The following CLASRP variants were observed in gnomAD, a reference collection of about 807,000 sequenced individuals.
The protein encoded by CLASRP is CLK4 associating serine/arginine rich protein.
In CLASRP, 52 loss-of-function variants were observed where a neutral mutation model predicts 99.9. That is an observed-to-expected ratio of 0.52 (90% CI 0.42 to 0.66). The LOEUF is 0.66. Ranked by LOEUF, CLASRP falls within the 30% of genes least tolerant of loss-of-function variation. The pLI, the probability that CLASRP is intolerant of heterozygous loss-of-function variation, is 0.00. For synonymous variants in CLASRP, 379 were observed against 373.0 expected (o/e 1.02, Z -0.18); for missense variants, 848 against 999.2 (o/e 0.85, Z 2.04).
chr19:45,063,123 T>TA (rs1966978718), intron 11 of CLASRP, among the ~76,000 whole-genome samples: 1 of 152,098 alleles, frequency 6.6e-6, no homozygotes, highest in Admixed American at 6.6e-5. Context: ...GAATATCAGA[T>TA]ACTTTCTTTT....
intron 15 of CLASRP, 57 bp from the exon 16 acceptor site, chr19:45,068,363 G>A: frequency 1.1e-6 from 1 of 926,982 alleles, no homozygotes; most frequent in Admixed American, 1.7e-5. Context: ...GCTGAGGTGG[G>A]TTGTGGGAGC....
rs1265639930 is a variant in CLASRP, at chr19:45,070,936, A to G, written c.*91A>G. 1.2e-6 allele frequency: 1 copy of G among 812,488 alleles called. No individual in the cohort carries two copies. The highest frequency in any genetic ancestry group is 2.0e-6 in the Non-Finnish European group (1 of 504,136). 50.3% of individuals were successfully genotyped at this position (812,488 alleles called of 1,614,324 possible). A position where few individuals can be genotyped will look rare whatever the true frequency, so the allele number is the denominator to read the frequency against. On this transcript the variant is annotated 3_prime_UTR_variant, in exon 21 of 21. Transcript: ENST00000221455. ...TTTTATCTCTAGTGAAATAAAGTCA[A>G]AAGTTATTTAATTCCCGTCACCTGT...
In CLASRP at chr19:45,062,161, C is replaced by A. The variant is rs1276996958; in HGVS notation, c.871C>A (p.Arg291Ser). 3 of 1,544,446 alleles carry A rather than the reference C, an allele frequency of 1.9e-6. No homozygotes were observed. Among genetic ancestry groups the A allele is most frequent in the Non-Finnish European group, 9.0e-7 (1 of 1,116,706 alleles). ...GRKISPPSYA[R>S]RDSPTYDPYK... Reference sequence around the variant, plus strand: ...CCATTCTTTTCTCTGTAGCTATGCCCGCCGAGACAGCCCCACCTATGACCC... The same window carrying A: ...CCATTCTTTTCTCTGTAGCTATGCCAGCCGAGACAGCCCCACCTATGACCC... Residue 291 changes from arginine (R) to serine (S), a missense_variant, in exon 11 of 21, where the codon CGC becomes AGC. By Grantham distance (110) the Arg-to-Ser change is moderately radical (BLOSUM62 -1). Around this residue, in one of 8 missense-constraint regions of CLASRP, gnomAD observed 489 missense variants for 434.7 expected, o/e 1.12. Transcript: ENST00000221455.
rs766032837 is a variant in CLASRP, at chr19:45,052,870, A to T, written c.277A>T (p.Thr93Ser). 6 of 1,607,638 alleles carry T rather than the reference A, an allele frequency of 3.7e-6. No homozygotes were observed. The African/African-American group carries it at 6.8e-5, about 18-fold the overall frequency. ...RAHLDHIPDY[T>S]PPLLTTISPE... ...CCACCTGGACCACATCCCCGACTAC[A>T]CCCCCCCTCTGCTCACCACCATGTA... The change falls in exon 4 of 21, where the codon ACC (threonine) becomes TCC (serine). Residue 93 changes from threonine (T) to serine (S), a missense_variant. By Grantham distance (58) the Thr-to-Ser change is moderately conservative. Transcript: ENST00000221455.
At chr19:45,063,074 A>G (rs1966977802) in intron 11 of CLASRP, among the ~76,000 whole-genome samples, 1 of 152,194 alleles carries the variant, frequency 6.6e-6, no homozygotes, top group African/African-American at 2.4e-5. Flanking sequence ...CTGGGGAAAT[A>G]AAAGGTGTAG....
chr19:45,067,238 G>C lies in CLASRP; in HGVS notation c.1410-99G>C. 9.0e-6 allele frequency: 12 copies of C among 1,328,196 alleles called. No individual in the cohort carries two copies. Among genetic ancestry groups the C allele is most frequent in the Non-Finnish European group, 1.2e-5 (12 of 1,003,392 alleles). The allele number at this position is 1,328,196 out of a possible 1,614,324, so 82.3% of individuals were successfully genotyped here. ...AGGAGAGTCGAGCCTGTCACCCTGG[G>C]CCTTGCAGGAAGGAGGACTGTGGAT... On this transcript the variant is annotated intron_variant, in intron 13 of 20. Coordinates refer to ENST00000221455, the MANE Select transcript of CLASRP (RefSeq NM_007056.3). The surrounding 1 kb of genome is among the most constrained non-coding windows in gnomAD (Gnocchi z 4.9).
intron 5 of CLASRP, among the ~76,000 whole-genome samples, chr19:45,055,525 T>A (rs1044491513): frequency 2.0e-5 from 3 of 152,174 alleles, no homozygotes; most frequent in African/African-American, 7.2e-5. Flanking sequence ...CCTGCCCACC[T>A]CTTGTTCCAG....
At chr19:45,047,411 C>CCAAA (rs1971939616) in intron 2 of CLASRP, 1 of 84,414 alleles carries the variant, frequency 1.2e-5, no homozygotes, top group African/African-American at 5.1e-5. Context: ...GACTCCATCT[C>CCAAA]AAAAAAAAAA....
At chr19:45,048,058 A>G (rs1481537329) in intron 2 of CLASRP, among the ~76,000 whole-genome samples, 1 of 151,876 alleles carries the variant, frequency 6.6e-6, no homozygotes, top group African/African-American at 2.4e-5. Context: ...CTGGGCAACA[A>G]GAGTGAAACT....
At chr19:45,054,906 G>A (rs1972094037) in intron 5 of CLASRP, among the ~76,000 whole-genome samples, 2 of 152,174 alleles carry the variant, frequency 1.3e-5, no homozygotes, top group Admixed American at 1.3e-4. Context: ...TCCAGTATTT[G>A]TTTATTTCTA....
chr19:45,046,529 A>G (rs926394096), intron 2 of CLASRP, among the ~76,000 whole-genome samples: 1 of 151,856 alleles, frequency 6.6e-6, no homozygotes, highest in African/African-American at 2.4e-5. Flanking sequence ...AGCGCTGTCC[A>G]CTCTAGGTTG....
rs1266375600 is a variant in CLASRP, at chr19:45,064,336, C to T, written c.1122-7C>T. The T allele has an allele frequency of 2.6e-6, 4 of 1,523,838 alleles. No homozygotes were observed. Among genetic ancestry groups the T allele is most frequent in the Middle Eastern group, 1.8e-4 (1 of 5,630 alleles). 94.4% of individuals were successfully genotyped at this position (1,523,838 alleles called of 1,614,324 possible). A position where few individuals can be genotyped will look rare whatever the true frequency, so the allele number is the denominator to read the frequency against. ...GCGCTGACCGGCCCTCCGTGCCCCG[C>T]CTGCAGCCGCCGCTCCTCCTCCTCC... On this transcript the variant is annotated splice_polypyrimidine_tract_variant and splice_region_variant and intron_variant, in intron 12 of 20. Transcript: ENST00000221455.
chr19:45,050,040 G>A (rs760064696), intron 2 of CLASRP, among the ~76,000 whole-genome samples: 15 of 152,176 alleles, frequency 9.9e-5, no homozygotes, highest in Non-Finnish European at 1.8e-4. Flanking sequence ...TCTGAAATAA[G>A]CGGGGGAGCA....
Position 45,040,319 on chromosome 19 carries a change from A to G in CLASRP, c.99+8A>G. The G allele has an allele frequency of 6.3e-7, 1 of 1,598,170 alleles. No homozygotes were observed. Among genetic ancestry groups the G allele is most frequent in the South Asian group, 1.1e-5 (1 of 88,536 alleles). On this transcript the variant is annotated splice_region_variant and intron_variant, in intron 2 of 20. Transcript: ENST00000221455. ...GAGTATTATGAAAAGATCGTGAGTA[A>G]CTGGCCTTTTGTCTGGGGTGAGGGA... is the stretch of plus-strand genomic sequence containing the variant.
chr19:45,042,202 G>C (rs979063995), intron 2 of CLASRP, among the ~76,000 whole-genome samples: 13 of 151,962 alleles, frequency 8.6e-5, no homozygotes, highest in African/African-American at 2.7e-4. Flanking sequence ...ATTAGCTGGA[G>C]GTGGTGAGGA....
Position 45,064,225 on chromosome 19 carries a change from C to CCGGT in CLASRP, c.1121+3_1121+6dup. The CCGGT allele has an allele frequency of 1.3e-6, 2 of 1,589,296 alleles. No homozygotes were observed. The highest frequency in any genetic ancestry group is 1.7e-6 in the Non-Finnish European group (2 of 1,169,384). Reference sequence around the variant, plus strand: ...CCGCCCCGGGACGTAATGCCAGCGCCCGGTCGGTAACGCTCACGCCGCCCG... The same window carrying CCGGT: ...CCGCCCCGGGACGTAATGCCAGCGCCCGGTCGGTCGGTAACGCTCACGCCGCCCG... On this transcript the variant is annotated frameshift_variant and splice_region_variant, in exon 12 of 21. Transcript: ENST00000221455. LOFTEE classifies it high-confidence loss of function.
Position 45,064,523 on chromosome 19 carries a change from G to A in CLASRP, c.1302G>A (p.Arg434=), listed in dbSNP as rs1347265722. The A allele has an allele frequency of 1.3e-6, 2 of 1,537,566 alleles. No individual in the cohort carries two copies. The highest frequency in any genetic ancestry group is 1.7e-6 in the Non-Finnish European group (2 of 1,146,172). Residue 434 remains arginine, a synonymous_variant, in exon 13 of 21, where the codon CGG becomes CGA. Coordinates refer to ENST00000221455, the MANE Select transcript of CLASRP (RefSeq NM_007056.3). ...GCTCCCGCTCCCGGCGCTATTCCCG[G>A]TCCCGTAGCCGTGGCCGGCGGCACT... ...RSRSRSRRYS[R]SRSRGRRHSG... is the part of the protein sequence containing the mutation.
At chr19:45,043,020 T>G (rs1971842459) in intron 2 of CLASRP, among the ~76,000 whole-genome samples, 4 of 152,162 alleles carry the variant, frequency 2.6e-5, no homozygotes. Flanking sequence ...ATGCACAAAA[T>G]TATTTAAAAT....
chr19:45,045,208 C>T (rs1369414732), intron 2 of CLASRP, among the ~76,000 whole-genome samples: 1 of 152,206 alleles, frequency 6.6e-6, no homozygotes, highest in Non-Finnish European at 1.5e-5. Context: ...GCAAAGCGCT[C>T]ATGCCATTTG....
Sources: gnomAD v4.1 joint callset for allele counts (sites outside exome capture counted in the v4.1 genomes callset) on GRCh38, gnomAD v4.1.1 for gene constraint, gnomAD v4.1.1 regional missense constraint, Gnocchi (gnomAD v3.1) non-coding constraint, MANE v1.5 for transcripts, NCBI Gene and HGNC (gene_info 2026-07-23, HGNC 2026-07-21) for gene names.